FAM78B: variants seen among roughly 807,000 people sequenced by gnomAD.
FAM78B encodes the protein protein FAM78B.
In FAM78B, 10 loss-of-function variants were observed where a neutral mutation model predicts 20.0. The observed-to-expected ratio is 0.50, with a 90% CI of 0.31 to 0.85. FAM78B has a LOEUF of 0.85. Ranked by LOEUF, FAM78B falls within the 40% of genes least tolerant of loss-of-function variation. The pLI is 0.05. For synonymous variants in FAM78B, 135 were observed against 132.8 expected (o/e 1.02, Z -0.12); for missense variants, 283 against 345.0 (o/e 0.82, Z 1.42).
chr1:166,166,054 G>C lies in FAM78B; in HGVS notation c.195C>G (p.Thr65=), dbSNP rs1478052905. The C allele has an allele frequency of 1.2e-6, 2 of 1,613,664 alleles. No homozygotes were observed. Among genetic ancestry groups the C allele is most frequent in the East Asian group, 4.5e-5 (2 of 44,802 alleles). Residue 65 remains threonine (T), a synonymous_variant, in exon 1 of 2, where the codon ACC becomes ACG. Coordinates refer to ENST00000354422, the MANE Select transcript of FAM78B (RefSeq NM_001017961.5). ...ACGCCTGAATCCAGCCCACCACCCA[G>C]GTCTCGTGGCGGGGGATGGGGGGCA... ...VVMPPIPRHE[T]WVVGWIQACN...
chr1:166,134,365 C>T (rs775662353), intron 1 of FAM78B, among the ~76,000 whole-genome samples: 16 of 152,056 alleles, frequency 1.1e-4, no homozygotes, highest in African/African-American at 2.9e-4. Flanking sequence ...TGCAGTGTTG[C>T]CCCTAGTCAA....
chr1:166,159,262 C>G (rs1420053161), intron 1 of FAM78B, among the ~76,000 whole-genome samples: 1 of 152,120 alleles, frequency 6.6e-6, no homozygotes, highest in African/African-American at 2.4e-5. Flanking sequence ...AGCCAGGACA[C>G]AGGGTCAGAA....
chr1:166,165,915 A>C (rs1036324585), intron 1 of FAM78B, 71 bp downstream of exon 1: 1 of 1,575,510 alleles, frequency 6.3e-7, no homozygotes, highest in African/African-American at 1.3e-5. Flanking sequence ...GGAGCTGGGG[A>C]GGGGGGTCAA....
chr1:166,081,799 A>C (rs1007385282), intron 1 of FAM78B, among the ~76,000 whole-genome samples: 1 of 152,150 alleles, frequency 6.6e-6, no homozygotes, highest in Non-Finnish European at 1.5e-5. Flanking sequence ...CTAAGGGGAA[A>C]TGGGGCTGCA....
chr1:166,106,800 C>A (rs1305500709), intron 1 of FAM78B, among the ~76,000 whole-genome samples: 2 of 152,004 alleles, frequency 1.3e-5, no homozygotes, highest in African/African-American at 4.8e-5. Context: ...GTGATGGGAT[C>A]ACTTATACCC....
intron 1 of FAM78B, among the ~76,000 whole-genome samples, chr1:166,097,969 C>T (rs1042682227): frequency 5.9e-5 from 9 of 152,220 alleles, no homozygotes; most frequent in Admixed American, 6.5e-5. Context: ...AGGACCCTCA[C>T]GGAGTCCACT....
At chr1:166,161,842 G>T (rs1485011870) in intron 1 of FAM78B, among the ~76,000 whole-genome samples, 1 of 152,152 alleles carries the variant, frequency 6.6e-6, no homozygotes, top group Non-Finnish European at 1.5e-5. Flanking sequence ...TTCGGGTCTG[G>T]ATACCCTAAG....
chr1:166,150,892 C>T (rs1285922957), intron 1 of FAM78B, among the ~76,000 whole-genome samples: 1 of 151,938 alleles, frequency 6.6e-6, no homozygotes, highest in Non-Finnish European at 1.5e-5. Context: ...TGAGACTAGC[C>T]TGAGCAACAC....
At chr1:166,066,522 C>T (rs950013822), downstream of FAM78B, among the ~76,000 whole-genome samples, 3 of 152,120 alleles carry the variant, frequency 2.0e-5, no homozygotes, top group African/African-American at 7.2e-5. Context: ...AGCCAAAAGG[C>T]CCCATTTCAA....
chr1:166,134,827 G>A (rs576633050), intron 1 of FAM78B, among the ~76,000 whole-genome samples: 46 of 152,228 alleles, frequency 3.0e-4, no homozygotes, highest in Non-Finnish European at 5.7e-4. Context: ...CTAAAGGTTC[G>A]TGTCTAGAAT....
chr1:166,128,631 ACTG>A (rs1244044907), intron 1 of FAM78B, among the ~76,000 whole-genome samples: 1 of 152,224 alleles, frequency 6.6e-6, no homozygotes, highest in Admixed American at 6.5e-5. Flanking sequence ...GCTGGATACC[ACTG>A]CTAACATTCA....
intron 1 of FAM78B, among the ~76,000 whole-genome samples, chr1:166,153,869 G>A (rs1001714702): frequency 2.0e-5 from 3 of 152,156 alleles, no homozygotes; most frequent in Admixed American, 6.5e-5. Flanking sequence ...CAAGGGCAAA[G>A]CAAAATGGGG....
intron 1 of FAM78B, among the ~76,000 whole-genome samples, chr1:166,159,362 G>C (rs1405048051): frequency 6.6e-6 from 1 of 152,148 alleles, no homozygotes; most frequent in Non-Finnish European, 1.5e-5. Flanking sequence ...TTCCTCATCA[G>C]TAAGATCAGC....
intron 1 of FAM78B, among the ~76,000 whole-genome samples, chr1:166,109,798 A>ATATATATG (rs1453874053): frequency 2.7e-5 from 2 of 73,970 alleles, no homozygotes; most frequent in African/African-American, 9.8e-5. Context: ...AGAAACTGTG[A>ATATATATG]TATATATGTA....
intron 1 of FAM78B, among the ~76,000 whole-genome samples, chr1:166,162,276 A>T (rs1256750850): frequency 6.6e-6 from 1 of 152,248 alleles, no homozygotes; most frequent in African/African-American, 2.4e-5. Flanking sequence ...AATAATCTTG[A>T]TTCTGAAGGA....
intron 1 of FAM78B, among the ~76,000 whole-genome samples, chr1:166,126,674 T>G (rs1654657148): frequency 6.6e-6 from 1 of 151,978 alleles, no homozygotes. Flanking sequence ...TGACAGACAA[T>G]GAGGGGCCAC....
At chr1:166,134,632 T>C (rs1482111065) in intron 1 of FAM78B, among the ~76,000 whole-genome samples, 2 of 152,188 alleles carry the variant, frequency 1.3e-5, no homozygotes, top group Non-Finnish European at 2.9e-5. Flanking sequence ...AGCATATGAA[T>C]TTAATAATAC....
chr1:166,078,359 C>T (rs1652419780), intron 1 of FAM78B, among the ~76,000 whole-genome samples: 1 of 152,170 alleles, frequency 6.6e-6, no homozygotes, highest in Non-Finnish European at 1.5e-5. Flanking sequence ...AATTCCCTTC[C>T]TTCTCCTATA....
At chr1:166,139,761 C>T (rs531800748) in intron 1 of FAM78B, among the ~76,000 whole-genome samples, 17 of 152,328 alleles carry the variant, frequency 1.1e-4, no homozygotes, top group African/African-American at 1.9e-4. Context: ...CCTGTGGACA[C>T]GATCAACCAG....
Sources: allele counts gnomAD v4.1 joint callset (sites outside exome capture counted in the v4.1 genomes callset), GRCh38; gene constraint gnomAD v4.1.1; transcripts MANE v1.5; gene names NCBI Gene and HGNC (gene_info 2026-07-23, HGNC 2026-07-21).